WNK2: variants seen among roughly 807,000 people sequenced by gnomAD.
WNK2 encodes the protein WNK lysine deficient protein kinase 2.
Under a neutral mutation model 192.1 loss-of-function variants are expected in WNK2, and 67 were observed. The ratio of observed to expected loss-of-function variants is 0.35; its 90% CI spans 0.29 to 0.43. The LOEUF (loss-of-function observed/expected upper bound fraction) is 0.43. Ranked by LOEUF, WNK2 falls within the 20% of genes least tolerant of loss-of-function variation. The pLI is 1.00. For synonymous variants in WNK2, 1,439 were observed against 1,393.9 expected (o/e 1.03, Z -0.72); for missense variants, 2,698 against 3,089.7 (o/e 0.87, Z 3.01).
intron 29 of WNK2, 125 bp from the exon 30 acceptor site, chr9:93,320,242 G>A (rs1209347160): frequency 9.8e-5 from 105 of 1,068,740 alleles, no homozygotes; most frequent in Non-Finnish European, 2.6e-6. Flanking sequence ...CACAGGGCGT[G>A]GGTCATGGCA....
intron 7 of WNK2, among the ~76,000 whole-genome samples, chr9:93,243,282 C>G (rs200124182): frequency 6.6e-6 from 1 of 152,178 alleles, no homozygotes; most frequent in East Asian, 1.9e-4. Context: ...TTCATCCACA[C>G]GGAGACTTGG....
At position 93,258,983 on chromosome 9, in the gene WNK2, G is replaced by A. The variant is rs367764185; in HGVS notation, c.2435G>A (p.Gly812Asp). The A allele has an allele frequency of 1.2e-4, 189 of 1,612,668 alleles. No individual in the cohort carries two copies. The highest frequency in any genetic ancestry group is 1.5e-4 in the Non-Finnish European group (178 of 1,179,764). ...ATCACGCCCCTGGCGGGAATCGACGGCCTCCCTCCGGCCCTCCCAGACCTG... is the reference window on the plus strand; with the variant it reads ...ATCACGCCCCTGGCGGGAATCGACGACCTCCCTCCGGCCCTCCCAGACCTG... ...PPITPLAGIDGLPPALPDLPT... is the reference protein window; with the variant it reads ...PPITPLAGIDDLPPALPDLPT... Residue 812 changes from glycine to aspartate, a missense_variant, in exon 12 of 30, where the codon GGC becomes GAC. Gly to Asp is a moderately conservative substitution (Grantham distance 94). Around this residue, in one of 7 missense-constraint regions of WNK2, gnomAD observed 893 missense variants for 909.0 expected, o/e 0.98. Coordinates refer to ENST00000427277, the MANE Select transcript of WNK2 (RefSeq NM_006648.4).
chr9:93,266,202 G>T, intron 16 of WNK2, among the ~76,000 whole-genome samples: 1 of 152,254 alleles, frequency 6.6e-6, no homozygotes, highest in Middle Eastern at 3.4e-3. Context: ...GCTTCTGCCC[G>T]CCCTGTGGAC....
At chr9:93,203,258 G>C (rs762440261) in intron 2 of WNK2, among the ~76,000 whole-genome samples, 12 of 152,216 alleles carry the variant, frequency 7.9e-5, no homozygotes, top group Non-Finnish European at 1.0e-4. Flanking sequence ...TGGGCCAGGG[G>C]TTTGGCCCAG....
At chr9:93,221,275 CG>C (rs1836833427) in intron 2 of WNK2, among the ~76,000 whole-genome samples, 1 of 152,230 alleles carries the variant, frequency 6.6e-6, no homozygotes, top group South Asian at 2.1e-4. Flanking sequence ...CAGTATGGAC[CG>C]GGCACCACCC....
At chr9:93,299,028 C>T (rs780759651) in intron 24 of WNK2, 42 bp from the exon 25 acceptor site, 15 of 1,577,458 alleles carry the variant, frequency 9.5e-6, no homozygotes, top group East Asian at 4.6e-5. Context: ...CCCGACCCGG[C>T]GGCGCCTCAT....
intron 19 of WNK2, among the ~76,000 whole-genome samples, chr9:93,279,088 TC>T (rs1181277565): frequency 6.6e-6 from 1 of 152,218 alleles, no homozygotes. Flanking sequence ...TGTCTGTTCT[TC>T]CACCTCTCTT....
chr9:93,255,399 A>G (rs1371912377), intron 9 of WNK2, among the ~76,000 whole-genome samples: 1 of 152,206 alleles, frequency 6.6e-6, no homozygotes, highest in African/African-American at 2.4e-5. Flanking sequence ...CAGAGCTGGT[A>G]GACGGATGGT....
chr9:93,214,697 G>GGCC (rs1835386292), intron 2 of WNK2, among the ~76,000 whole-genome samples: 4 of 80,224 alleles, frequency 5.0e-5, no homozygotes, highest in Admixed American at 3.2e-4. Context: ...TGAAGGTAGT[G>GGCC]CCCCCCCCCC....
At position 93,234,950 on chromosome 9, in the gene WNK2, C is replaced by T. The variant is rs1839542217; in HGVS notation, c.1218C>T (p.Tyr406=). The change falls in exon 5 of 30, where the codon TAC becomes TAT. Residue 406 remains tyrosine (Y), a synonymous_variant. Coordinates refer to ENST00000427277, the MANE Select transcript of WNK2 (RefSeq NM_006648.4). ...YSECQNAAQI[Y]RKVTCGIKPA... ...AGTGCCAGAATGCGGCCCAGATCTA[C>T]CGCAAGGTCACCTGTGTGAGTCCAC... 6.2e-7 allele frequency: 1 copy of T among 1,614,112 alleles called. No individual in the cohort carries two copies. The highest frequency in any genetic ancestry group is 8.5e-7 in the Non-Finnish European group (1 of 1,179,942).
At chr9:93,240,693 G>A (rs1164955471) in intron 7 of WNK2, among the ~76,000 whole-genome samples, 1 of 152,160 alleles carries the variant, frequency 6.6e-6, no homozygotes, top group Non-Finnish European at 1.5e-5. Context: ...ACGATGCCAG[G>A]GGGTCAGCGG....
At chr9:93,202,854 C>A (rs1030702146) in intron 2 of WNK2, among the ~76,000 whole-genome samples, 1 of 152,064 alleles carries the variant, frequency 6.6e-6, no homozygotes, top group Non-Finnish European at 1.5e-5. Flanking sequence ...GCTGGAAGGC[C>A]GGCTTGGAAG....
intron 8 of WNK2, among the ~76,000 whole-genome samples, chr9:93,250,557 A>G (rs1842442075): frequency 6.6e-6 from 1 of 152,206 alleles, no homozygotes; most frequent in Non-Finnish European, 1.5e-5. Flanking sequence ...GTGTAACAAG[A>G]TTGGCAAACA....
intron 2 of WNK2, among the ~76,000 whole-genome samples, chr9:93,195,946 T>C (rs1831208147): frequency 6.6e-6 from 1 of 152,142 alleles, no homozygotes; most frequent in South Asian, 2.1e-4. Context: ...GTCTTGGTGC[T>C]ATTTTGAACC....
chr9:93,256,973 C>T lies in WNK2; in HGVS notation c.2216C>T (p.Pro739Leu), dbSNP rs1475532735. 3 of 1,585,764 alleles carry T rather than the reference C, an allele frequency of 1.9e-6. No homozygotes were observed. Among genetic ancestry groups the T allele is most frequent in the Non-Finnish European group, 1.7e-6 (2 of 1,171,228 alleles). The change falls in exon 11 of 30, where the codon CCC (proline) becomes CTC (leucine). Residue 739 changes from proline (P) to leucine (L), a missense_variant. This residue lies in a region of WNK2 where 893 missense variants were observed against 909.0 expected (regional missense o/e 0.98). Transcript: ENST00000427277. ...CCTCCTCCGCTGGCCCAGCCGACACCCCTGCCGCAGGTCCTGGCCCCACAG... is the reference window on the plus strand; with the variant it reads ...CCTCCTCCGCTGGCCCAGCCGACACTCCTGCCGCAGGTCCTGGCCCCACAG... Reference protein sequence around the residue: ...QQPPPLAQPTPLPQVLAPQPV... With the variant: ...QQPPPLAQPTLLPQVLAPQPV...
At chr9:93,198,487 C>G (rs1831696919) in intron 2 of WNK2, among the ~76,000 whole-genome samples, 1 of 152,170 alleles carries the variant, frequency 6.6e-6, no homozygotes, top group African/African-American at 2.4e-5. Flanking sequence ...TATGTTGTTC[C>G]TCCTACCTGC....
At chr9:93,280,842 T>TGCTTTTGTGAAAC (rs1472790062) in intron 19 of WNK2, among the ~76,000 whole-genome samples, 41 of 152,336 alleles carry the variant, frequency 2.7e-4, no homozygotes, top group Non-Finnish European at 1.5e-4. Flanking sequence ...TTTTTCCACA[T>TGCTTTTGTGAAAC]GCTTTTGTGA....
Position 93,229,692 on chromosome 9 carries a change from G to A in WNK2, c.682-4G>A, listed in dbSNP as rs1022678353. 6.2e-6 allele frequency: 10 copies of A among 1,612,382 alleles called. No individual in the cohort carries two copies. Among genetic ancestry groups the A allele is most frequent in the Non-Finnish European group, 7.6e-6 (9 of 1,179,152 alleles). On this transcript the variant is annotated splice_polypyrimidine_tract_variant and splice_region_variant and intron_variant, in intron 2 of 29. Transcript: ENST00000427277. The surrounding 1 kb of genome is among the most constrained non-coding windows in gnomAD (Gnocchi z 4.9). ...GCCCACTTAGCATGTCTCTTGCCCT[G>A]TAGGACCGGAAGCTCACCAAGCTGG...
chr9:93,271,671 C>T (rs537303463), intron 19 of WNK2, among the ~76,000 whole-genome samples: 7 of 152,248 alleles, frequency 4.6e-5, no homozygotes, highest in South Asian at 4.1e-4. Context: ...CAGGGAACTG[C>T]GGAACAATAA....
Sources: gnomAD v4.1 joint callset for allele counts (sites outside exome capture counted in the v4.1 genomes callset) on GRCh38, gnomAD v4.1.1 for gene constraint, gnomAD v4.1.1 regional missense constraint, Gnocchi (gnomAD v3.1) non-coding constraint, MANE v1.5 for transcripts, NCBI Gene and HGNC (gene_info 2026-07-23, HGNC 2026-07-21) for gene names.